Variants in MMP26 observed in about 807,000 individuals in gnomAD.
The protein encoded by MMP26 is matrix metallopeptidase 26.
In MMP26, 33 loss-of-function variants were observed where a neutral mutation model predicts 31.0. The observed-to-expected ratio is 1.06, with a 90% CI of 0.81 to 1.42. The LOEUF (loss-of-function observed/expected upper bound fraction) is 1.42, where lower values mean the gene tolerates loss of function less well. Ranked by LOEUF, MMP26 falls within the 40% of genes most tolerant of loss-of-function variation. The pLI is 0.00. For missense variants in MMP26, 347 were observed against 316.1 expected (o/e 1.10, Z -0.74); for synonymous variants, 122 against 114.9 (o/e 1.06, Z -0.40).
chr11:4,831,842 G>A (rs11034114), intron 2 of MMP26, among the ~76,000 whole-genome samples: 29,786 of 152,076 alleles, frequency 0.2, 3,245 homozygotes, highest in African/African-American at 0.28. Context: ...GGGTATCAAA[G>A]CACCTTCTTT....
intron 2 of MMP26, among the ~76,000 whole-genome samples, chr11:4,815,143 G>A (rs976528273): frequency 1.3e-5 from 2 of 152,128 alleles, no homozygotes; most frequent in African/African-American, 4.8e-5. Flanking sequence ...CAATTTACAC[G>A]TGAGGGGGTG....
intron 2 of MMP26, among the ~76,000 whole-genome samples, chr11:4,814,865 CTCAA>C (rs2133465347): frequency 6.6e-6 from 1 of 152,238 alleles, no homozygotes; most frequent in Non-Finnish European, 1.5e-5. Context: ...TGAGACAGGT[CTCAA>C]TCAATTTAGA....
chr11:4,932,234 C>T (rs1235010059), intron 2 of MMP26, among the ~76,000 whole-genome samples: 8 of 152,050 alleles, frequency 5.3e-5, no homozygotes, highest in African/African-American at 7.2e-5. Context: ...TCATTCTGGT[C>T]TGTGTTGTAT....
chr11:4,886,857 T>C (rs1171674399), intron 2 of MMP26, among the ~76,000 whole-genome samples: 1 of 151,926 alleles, frequency 6.6e-6, no homozygotes, highest in Non-Finnish European at 1.5e-5. Flanking sequence ...CCATTGTAGT[T>C]ACATTGTAGT....
At chr11:4,746,817 A>G (rs1299687980) in intron 1 of MMP26, among the ~76,000 whole-genome samples, 2 of 147,084 alleles carry the variant, frequency 1.4e-5, no homozygotes, top group East Asian at 4.0e-4. Flanking sequence ...CTGGGCAACA[A>G]GAGTAAGTCT....
At chr11:4,820,876 A>G (rs143259360) in intron 2 of MMP26, among the ~76,000 whole-genome samples, 50 of 151,528 alleles carry the variant, frequency 3.3e-4, no homozygotes, top group African/African-American at 1.1e-3. Context: ...AAATGCGATC[A>G]ATATTTATTT....
rs139629765 is a variant in MMP26, at chr11:4,923,390, C to T, written c.-144-64678C>T. ...TACTCTAACTTAATCCTTCCAAAAA[C>T]ACCTAAGTGACTTTATAAACTGAAA... On this transcript the variant is annotated intron_variant, in intron 2 of 7. Coordinates refer to ENST00000380390, the MANE Select transcript of MMP26 (RefSeq NM_021801.5). The T allele has an allele frequency of 1.7e-4, 257 of 1,555,290 alleles. 4 individuals are homozygous for T. In the East Asian group the frequency reaches 5.7e-3, roughly 34 times the overall value.
rs1851239932 is a variant in MMP26 at position 4,924,432 on chromosome 11, G to T, written c.-144-63636G>T. On this transcript the variant is annotated intron_variant, in intron 2 of 7. Coordinates refer to ENST00000380390, the MANE Select transcript of MMP26 (RefSeq NM_021801.5). ...ATTCTCACTCACCTAAATGTCCCAA[G>T]ATCAGCCAGTAAGGAAGCATCTGCA... 3 of 1,320,340 alleles carry T rather than the reference G, an allele frequency of 2.3e-6. No individual in the cohort carries two copies. In the African/African-American group the frequency reaches 4.4e-5, roughly 19 times the overall value. 81.8% of individuals were successfully genotyped at this position (1,320,340 alleles called of 1,614,324 possible).
intron 2 of MMP26, among the ~76,000 whole-genome samples, chr11:4,869,470 C>T (rs975034926): frequency 9.9e-5 from 15 of 152,198 alleles, no homozygotes; most frequent in African/African-American, 3.6e-4. Flanking sequence ...TGGAAAAATG[C>T]TCATCATCAC....
In MMP26 at chr11:4,882,864, T is replaced by G. The variant is rs777256411; in HGVS notation, c.-144-105204T>G. 12 of 1,612,898 alleles carry G rather than the reference T, an allele frequency of 7.4e-6. No homozygotes were observed. The South Asian group carries it at 1.3e-4, about 18-fold the overall frequency. On this transcript the variant is annotated intron_variant, in intron 2 of 7. Coordinates refer to ENST00000380390, the MANE Select transcript of MMP26 (RefSeq NM_021801.5). ...TCATGGGGTTTTAATGTGAGGGGTC[T>G]TAGGGGAAGATGGGATTGAAGGTAG...
chr11:4,757,076 T>C (rs1018483263), intron 1 of MMP26, among the ~76,000 whole-genome samples: 2 of 152,064 alleles, frequency 1.3e-5, no homozygotes, highest in African/African-American at 2.4e-5. Context: ...ACAACCTGGA[T>C]TGAAAACTTA....
chr11:4,980,730 T>C (rs2133640247), intron 2 of MMP26, among the ~76,000 whole-genome samples: 1 of 152,078 alleles, frequency 6.6e-6, no homozygotes. Context: ...TACTTTGTGG[T>C]GACAAAATAA....
At chr11:4,962,827 T>G (rs950811046) in intron 2 of MMP26, among the ~76,000 whole-genome samples, 2 of 152,156 alleles carry the variant, frequency 1.3e-5, no homozygotes, top group East Asian at 1.9e-4. Context: ...TGTGAACTTC[T>G]GGGTTGAGCT....
In MMP26 at chr11:4,726,821, G is replaced by A. The variant is rs892554855; in HGVS notation, c.-217+21776G>A. On this transcript the variant is annotated intron_variant, in intron 1 of 7. Transcript: ENST00000380390. ...CAGGAGTTTGAGACTAGCCTAAGCA[G>A]TATACTGAGATCTGATCTCTACAAA... is the stretch of plus-strand genomic sequence containing the variant. Among the ~76,000 whole-genome samples, 17 of 152,078 alleles carry A rather than the reference G, an allele frequency of 1.1e-4. 1 individual carries two copies. The highest frequency in any genetic ancestry group is 3.6e-4 in the African/African-American group (15 of 41,404).
At chr11:4,817,046 T>C (rs1849431432) in intron 2 of MMP26, among the ~76,000 whole-genome samples, 1 of 152,018 alleles carries the variant, frequency 6.6e-6, no homozygotes, top group Non-Finnish European at 1.5e-5. Flanking sequence ...AATCATACCA[T>C]ATATTCTGTA....
chr11:4,807,861 A>G (rs1849299137), intron 2 of MMP26, among the ~76,000 whole-genome samples: 1 of 151,986 alleles, frequency 6.6e-6, no homozygotes, highest in Non-Finnish European at 1.5e-5. Context: ...CTGGAGTGCA[A>G]TGGTGTGATC....
intron 2 of MMP26, among the ~76,000 whole-genome samples, chr11:4,818,401 T>C (rs1264182993): frequency 6.6e-6 from 1 of 152,184 alleles, no homozygotes; most frequent in Non-Finnish European, 1.5e-5. Context: ...TTACTAGTCA[T>C]TATATTTAAA....
At chr11:4,765,745 TATC>T (rs796245873) in intron 1 of MMP26, among the ~76,000 whole-genome samples, 87 of 152,330 alleles carry the variant, frequency 5.7e-4, no homozygotes, top group African/African-American at 2.1e-3. Context: ...GAGATGCTGG[TATC>T]ATTTTCACAG....
chr11:4,890,992 A>AATAATAAT lies in MMP26; in HGVS notation c.-144-97074_-144-97067dup, dbSNP rs1850611468. 2.8e-5 allele frequency among the ~76,000 whole-genome samples: 4 copies of AATAATAAT among 145,414 alleles called. No individual in the cohort carries two copies. The South Asian group carries it at 8.6e-4, about 31-fold the overall frequency. On this transcript the variant is annotated intron_variant, in intron 2 of 7. Coordinates refer to ENST00000380390, the MANE Select transcript of MMP26 (RefSeq NM_021801.5). ...GGAATGAACTCAGAATAATAATAAT[A>AATAATAAT]ATAATAATAATAATAATAATAATAA...
Sources: gnomAD v4.1 joint callset for allele counts (sites outside exome capture counted in the v4.1 genomes callset) on GRCh38, gnomAD v4.1.1 for gene constraint, MANE v1.5 for transcripts, NCBI Gene and HGNC (gene_info 2026-07-23, HGNC 2026-07-21) for gene names.